Variants in TMEM132D observed in about 807,000 individuals in gnomAD.
TMEM132D encodes the protein transmembrane protein 132D.
TMEM132D carries 21 observed loss-of-function variants against 62.3 expected under a neutral mutation model. The observed-to-expected ratio is 0.34, with a 90% CI of 0.24 to 0.49. The LOEUF (loss-of-function observed/expected upper bound fraction) is 0.49, where lower values mean the gene tolerates loss of function less well. TMEM132D is among the 20% of genes least tolerant of loss of function. TMEM132D has a pLI of 0.99. For synonymous variants in TMEM132D, 621 were observed against 575.6 expected, an observed-to-expected ratio of 1.08 and a Z score of -1.13; for missense variants, 1,346 against 1,402.8, an observed-to-expected ratio of 0.96 and a Z score of 0.65.
chr12:129,524,344 G>C (rs565880233), intron 3 of TMEM132D, among the ~76,000 whole-genome samples: 3 of 152,104 alleles, frequency 2.0e-5, no homozygotes, highest in African/African-American at 7.2e-5. Flanking sequence ...CACATTGCTG[G>C]GGGGTTCTCT....
chr12:129,701,482 C>T (rs1045292727), intron 1 of TMEM132D, among the ~76,000 whole-genome samples: 3 of 152,138 alleles, frequency 2.0e-5, no homozygotes, highest in African/African-American at 7.2e-5. Context: ...GGACCCTGAA[C>T]CTAAGAAGCA....
chr12:129,328,912 T>C (rs1021098341), intron 4 of TMEM132D, among the ~76,000 whole-genome samples: 26 of 151,664 alleles, frequency 1.7e-4, no homozygotes, highest in Non-Finnish European at 3.2e-4. Context: ...ATCTGTGAAA[T>C]GGGGATAATA....
chr12:129,224,877 T>C (rs764585224), intron 4 of TMEM132D, among the ~76,000 whole-genome samples: 1 of 152,200 alleles, frequency 6.6e-6, no homozygotes, highest in Non-Finnish European at 1.5e-5. Context: ...ATTTTTTAAT[T>C]ATCCTAAGCA....
At position 129,760,323 on chromosome 12, in the gene TMEM132D, C is replaced by CTTTTTTTTTTTT. The variant is rs71082753; in HGVS notation, c.80-59637_80-59626dup. Among the ~76,000 whole-genome samples, 7 of 115,494 alleles carry CTTTTTTTTTTTT rather than the reference C, an allele frequency of 6.1e-5. 1 individual carries two copies. The highest frequency in any genetic ancestry group is 2.5e-4 in the African/African-American group (7 of 27,632). The allele number at this position is 115,494 out of a possible 152,430, so 75.8% of individuals were successfully genotyped here. ...AGACAGAAATGATGTAAGCCACTTT[C>CTTTTTTTTTTTT]TTTTTTTTTTTTTTTTTTTTTTTTT... On this transcript the variant is annotated intron_variant, in intron 1 of 8. Transcript: ENST00000422113.
chr12:129,131,299 A>G (rs1876367752), intron 5 of TMEM132D, among the ~76,000 whole-genome samples: 1 of 152,216 alleles, frequency 6.6e-6, no homozygotes, highest in Non-Finnish European at 1.5e-5. Flanking sequence ...TGGAGAAAAC[A>G]AACAACCACA....
intron 1 of TMEM132D, among the ~76,000 whole-genome samples, chr12:129,862,375 C>G (rs1241311367): frequency 1.3e-5 from 2 of 152,218 alleles, no homozygotes; most frequent in African/African-American, 4.8e-5. Flanking sequence ...CAGACCCAGC[C>G]TTCAGGAGCC....
intron 3 of TMEM132D, among the ~76,000 whole-genome samples, chr12:129,346,954 A>G (rs2135665498): frequency 6.6e-6 from 1 of 152,302 alleles, no homozygotes; most frequent in East Asian, 1.9e-4. Flanking sequence ...ACCCCCATTC[A>G]AAATTGCTAG....
At chr12:129,397,558 G>A (rs939544838) in intron 3 of TMEM132D, among the ~76,000 whole-genome samples, 1 of 152,090 alleles carries the variant, frequency 6.6e-6, no homozygotes, top group Non-Finnish European at 1.5e-5. Flanking sequence ...TCTTTGGATG[G>A]AAGACAAGCA....
At chr12:129,672,758 A>G (rs1027995550) in intron 2 of TMEM132D, among the ~76,000 whole-genome samples, 6 of 152,062 alleles carry the variant, frequency 3.9e-5, no homozygotes, top group African/African-American at 1.4e-4. Flanking sequence ...TGTAGGTGGT[A>G]GTTGTTGTTT....
intron 1 of TMEM132D, among the ~76,000 whole-genome samples, chr12:129,803,639 C>G (rs1170807273): frequency 6.7e-6 from 1 of 150,090 alleles, no homozygotes; most frequent in Non-Finnish European, 1.5e-5. Context: ...ACTAGAAAAG[C>G]AAGAGCAAAC....
rs1210053329 is a variant in TMEM132D at position 129,371,577 on chromosome 12, G to A, written c.1116-33760C>T. On this transcript the variant is annotated intron_variant, in intron 3 of 8. Coordinates refer to ENST00000422113, the MANE Select transcript of TMEM132D (RefSeq NM_133448.3). The surrounding 1 kb of genome is among the most constrained non-coding windows in gnomAD (Gnocchi z 4.3). ...TGATGGCGATGATGGTGACAATGATGTGATGATAGTAACAATGATCATGGC... is the reference window on the plus strand; with the variant it reads ...TGATGGCGATGATGGTGACAATGATATGATGATAGTAACAATGATCATGGC... 3.3e-5 allele frequency among the ~76,000 whole-genome samples: 5 copies of A among 151,922 alleles called. No individual in the cohort carries two copies.
At chr12:129,225,474 C>T (rs1020009412) in intron 4 of TMEM132D, among the ~76,000 whole-genome samples, 5 of 152,128 alleles carry the variant, frequency 3.3e-5, no homozygotes, top group South Asian at 2.1e-4. Context: ...TCTTTGGACT[C>T]GGGTGGCCTG....
chr12:129,762,187 T>C (rs563350769), intron 1 of TMEM132D, among the ~76,000 whole-genome samples: 9 of 152,218 alleles, frequency 5.9e-5, no homozygotes, highest in African/African-American at 1.4e-4. Context: ...TTTTCTACTG[T>C]CTAAACCGAT....
At chr12:129,238,755 T>C (rs1879853633) in intron 4 of TMEM132D, among the ~76,000 whole-genome samples, 5 of 152,238 alleles carry the variant, frequency 3.3e-5, no homozygotes, top group Admixed American at 3.3e-4. Flanking sequence ...TGATTCTACC[T>C]CTTGGCTATA....
intron 2 of TMEM132D, among the ~76,000 whole-genome samples, chr12:129,582,507 TG>T (rs1877898961): frequency 6.6e-6 from 1 of 152,226 alleles, no homozygotes; most frequent in African/African-American, 2.4e-5. Context: ...TGATGAGCTC[TG>T]CCTTGAGGGC....
intron 4 of TMEM132D, among the ~76,000 whole-genome samples, chr12:129,335,157 G>A (rs1174678055): frequency 2.9e-5 from 4 of 139,950 alleles, no homozygotes; most frequent in African/African-American, 7.9e-5. Flanking sequence ...TTTGAGGCAG[G>A]GTCTCACCCT....
At chr12:129,135,543 A>C (rs983568159) in intron 5 of TMEM132D, among the ~76,000 whole-genome samples, 6 of 152,236 alleles carry the variant, frequency 3.9e-5, no homozygotes, top group African/African-American at 1.4e-4. Flanking sequence ...TTATCTGAGC[A>C]TAAAGGCCTT....
chr12:129,084,843 G>C (rs538254234), intron 5 of TMEM132D, 141 bp from the exon 6 acceptor site: 1 of 687,008 alleles, frequency 1.5e-6, no homozygotes, highest in Non-Finnish European at 2.4e-6. Context: ...GGAGGTCCTG[G>C]TATGGAGCAG....
chr12:129,801,343 C>G (rs558606242), intron 1 of TMEM132D, among the ~76,000 whole-genome samples: 1 of 54,910 alleles, frequency 1.8e-5, no homozygotes, highest in South Asian at 8.4e-4. Flanking sequence ...AGCTGGAGAT[C>G]TGAGATGGGC....
Sources: allele counts gnomAD v4.1 joint callset (sites outside exome capture counted in the v4.1 genomes callset), GRCh38; gene constraint gnomAD v4.1.1; non-coding constraint Gnocchi (gnomAD v3.1); transcripts MANE v1.5; gene names NCBI Gene and HGNC (gene_info 2026-07-23, HGNC 2026-07-21).